The following RCAN2 variants were observed in gnomAD, a reference collection of about 807,000 sequenced individuals.
RCAN2 encodes calcipressin-2.
In RCAN2, 9 loss-of-function variants were observed where a neutral mutation model predicts 23.6. That is an observed-to-expected ratio of 0.38 (90% CI 0.23 to 0.67). The LOEUF is 0.67. Among genes scored for constraint, RCAN2 ranks in the 30% least tolerant of loss-of-function variants. The pLI, the probability that RCAN2 is intolerant of heterozygous loss-of-function variation, is 0.51. For synonymous variants in RCAN2, 109 were observed against 115.7 expected (o/e 0.94, Z 0.37); for missense variants, 273 against 302.3 (o/e 0.90, Z 0.72).
intron 2 of RCAN2, among the ~76,000 whole-genome samples, chr6:46,408,991 A>C (rs1432567052): frequency 6.6e-6 from 1 of 152,210 alleles, no homozygotes; most frequent in Non-Finnish European, 1.5e-5. Context: ...GAGACATATC[A>C]AACTGCAAAA....
intron 2 of RCAN2, among the ~76,000 whole-genome samples, chr6:46,374,617 G>A (rs1393758965): frequency 6.6e-6 from 1 of 152,140 alleles, no homozygotes; most frequent in African/African-American, 2.4e-5. Context: ...TTCCACGGGT[G>A]TAATACTGTA....
intron 2 of RCAN2, among the ~76,000 whole-genome samples, chr6:46,384,799 G>GCA (rs747023456): frequency 0.017 from 2,597 of 152,246 alleles, 54 homozygotes; most frequent in South Asian, 0.12. Context: ...GTGATACAAG[G>GCA]GACTTTTCTG....
intron 1 of RCAN2, among the ~76,000 whole-genome samples, chr6:46,471,949 C>G (rs1259785903): frequency 6.6e-6 from 1 of 152,162 alleles, no homozygotes; most frequent in Non-Finnish European, 1.5e-5. Context: ...TAGCCCCTAC[C>G]TCCCCTAGAG....
chr6:46,306,319 A>C (rs535929934), intron 2 of RCAN2, among the ~76,000 whole-genome samples: 18 of 152,154 alleles, frequency 1.2e-4, no homozygotes, highest in Non-Finnish European at 1.9e-4. Context: ...TAACTGTGTT[A>C]TGATGAAGAA....
At chr6:46,436,737 G>A (rs950144473) in intron 2 of RCAN2, among the ~76,000 whole-genome samples, 13 of 152,284 alleles carry the variant, frequency 8.5e-5, no homozygotes, top group East Asian at 5.8e-4. Flanking sequence ...GCCTATGGTC[G>A]CACAACTAAT....
rs1762837685 is a variant in RCAN2, at chr6:46,299,583, CCT to C, written c.226-50689_226-50688del. Among the ~76,000 whole-genome samples, 4 of 152,038 alleles carry C rather than the reference CCT, an allele frequency of 2.6e-5. 1 individual carries two copies. The highest frequency in any genetic ancestry group is 2.6e-4 in the Admixed American group (4 of 15,250). On this transcript the variant is annotated intron_variant, in intron 2 of 4. Coordinates refer to ENST00000371374, the MANE Select transcript of RCAN2 (RefSeq NM_001251974.2). ...TGAGCTACTAAGAAGGCTTTCTTCCCCTCTCTGGCCCCCCTTTTATAGATGAA... is the reference window on the plus strand; with the variant it reads ...TGAGCTACTAAGAAGGCTTTCTTCCCCTCTGGCCCCCCTTTTATAGATGAA...
At chr6:46,312,407 G>A (rs552756069) in intron 2 of RCAN2, among the ~76,000 whole-genome samples, 118 of 152,294 alleles carry the variant, frequency 7.7e-4, no homozygotes, top group Middle Eastern at 3.4e-3. Flanking sequence ...ATTTGAGGAG[G>A]AATCAGGGCA....
intron 2 of RCAN2, among the ~76,000 whole-genome samples, chr6:46,341,126 ATAAG>A (rs1277312271): frequency 3.3e-5 from 5 of 152,254 alleles, no homozygotes; most frequent in Non-Finnish European, 7.3e-5. Flanking sequence ...AAAATTTCAA[ATAAG>A]TAAGAAATAA....
intron 2 of RCAN2, among the ~76,000 whole-genome samples, chr6:46,276,391 C>T (rs1462430003): frequency 1.3e-5 from 2 of 152,160 alleles, no homozygotes; most frequent in Non-Finnish European, 2.9e-5. Flanking sequence ...GACAAGCCCC[C>T]ACCACAAGAA....
At chr6:46,410,190 C>T (rs1016780528) in intron 2 of RCAN2, among the ~76,000 whole-genome samples, 1 of 152,236 alleles carries the variant, frequency 6.6e-6, no homozygotes. Context: ...CCATTAGTTT[C>T]CCTGGTTCTG....
intron 2 of RCAN2, among the ~76,000 whole-genome samples, chr6:46,260,461 G>A (rs1221712045): frequency 3.3e-5 from 5 of 152,078 alleles, no homozygotes; most frequent in Non-Finnish European, 5.9e-5. Flanking sequence ...TACCCAAAGT[G>A]GAGACTGAGG....
At chr6:46,365,236 G>C (rs1459120055) in intron 2 of RCAN2, among the ~76,000 whole-genome samples, 1 of 152,082 alleles carries the variant, frequency 6.6e-6, no homozygotes, top group Non-Finnish European at 1.5e-5. Context: ...AGCACTTTGG[G>C]AGGTCAAGGC....
At chr6:46,228,877 C>T (rs2150305834) in intron 4 of RCAN2, among the ~76,000 whole-genome samples, 1 of 152,286 alleles carries the variant, frequency 6.6e-6, no homozygotes, top group Non-Finnish European at 1.5e-5. Context: ...ATGGTCTTTA[C>T]AGTTTGGCAT....
chr6:46,430,036 T>C (rs1767144928), intron 2 of RCAN2, among the ~76,000 whole-genome samples: 1 of 152,168 alleles, frequency 6.6e-6, no homozygotes, highest in South Asian at 2.1e-4. Context: ...AATACTGACC[T>C]TCATCCTGAA....
At chr6:46,424,041 C>A (rs533954649) in intron 2 of RCAN2, among the ~76,000 whole-genome samples, 53 of 152,276 alleles carry the variant, frequency 3.5e-4, no homozygotes, top group African/African-American at 1.0e-3. Context: ...TCTGTACCAC[C>A]ATCCCAGCAG....
Position 46,223,547 on chromosome 6 carries a change from T to C in RCAN2, c.572-246A>G, listed in dbSNP as rs574699242. Among the ~76,000 whole-genome samples the C allele has an allele frequency of 1.2e-4, 19 of 152,274 alleles. 2 individuals are homozygous for C. Among genetic ancestry groups the C allele is most frequent in the African/African-American group, 4.6e-4 (19 of 41,568 alleles). The stretch of plus-strand genomic sequence containing the variant: ...AATACCTCTTAGCCTCCACATCCTT[T>C]ACCGTAAATTTCAACATGGTAATAC... On this transcript the variant is annotated intron_variant, in intron 4 of 4. Transcript: ENST00000371374.
intron 2 of RCAN2, among the ~76,000 whole-genome samples, chr6:46,254,170 G>A (rs1766826906): frequency 6.6e-6 from 1 of 152,214 alleles, no homozygotes; most frequent in Non-Finnish European, 1.5e-5. Flanking sequence ...AAAGGTAAAT[G>A]ATACCTTTGT....
At chr6:46,355,861 G>A (rs563845467) in intron 2 of RCAN2, among the ~76,000 whole-genome samples, 1 of 152,282 alleles carries the variant, frequency 6.6e-6, no homozygotes, top group Admixed American at 6.5e-5. Flanking sequence ...TCGAAGTGAG[G>A]AAATAATGGG....
chr6:46,307,342 G>A (rs1363214495), intron 2 of RCAN2, among the ~76,000 whole-genome samples: 1 of 152,124 alleles, frequency 6.6e-6, no homozygotes, highest in Admixed American at 6.6e-5. Flanking sequence ...GGGTGTATGT[G>A]CCTCAAAGAT....
Sources: allele counts gnomAD v4.1 joint callset (sites outside exome capture counted in the v4.1 genomes callset), GRCh38; gene constraint gnomAD v4.1.1; transcripts MANE v1.5; gene names NCBI Gene and HGNC (gene_info 2026-07-23, HGNC 2026-07-21).